The following DENND2B variants were observed in gnomAD, a reference collection of about 807,000 sequenced individuals.
DENND2B encodes DENN domain-containing protein 2B.
Under a neutral mutation model 116.0 loss-of-function variants are expected in DENND2B, and 32 were observed. That is an observed-to-expected ratio of 0.28 (90% confidence interval 0.21 to 0.37). DENND2B has a LOEUF of 0.37. DENND2B is among the 10% of genes least tolerant of loss of function. The pLI, the probability that DENND2B is intolerant of heterozygous loss-of-function variation, is 1.00. For synonymous variants in DENND2B, 588 were observed against 583.9 expected (o/e 1.01, Z -0.10); for missense variants, 1,276 against 1,477.7 (o/e 0.86, Z 2.24).
chr11:8,714,802 A>T (rs1016620580), intron 6 of DENND2B, 96 bp from the exon 7 acceptor site: 1 of 1,066,500 alleles, frequency 9.4e-7, no homozygotes, highest in Admixed American at 1.9e-5. Context: ...CCTTAATGGT[A>T]CAAGCTTTCT....
At chr11:8,811,220 C>A (rs963881835), upstream of DENND2B, 1 of 398,480 alleles carries the variant, frequency 2.5e-6, no homozygotes, top group Non-Finnish European at 4.4e-6. Flanking sequence ...ATCCCAGGAG[C>A]TCGCCTGGAC....
In DENND2B at chr11:8,726,385, G is replaced by T. The variant is rs1233025394; in HGVS notation, c.1341-176C>A. The stretch of plus-strand genomic sequence containing the variant: ...AATGAAGAGACAGATGGTCTGAAAG[G>T]CCCCAGCCTGGGTGCCTGCAATGTG... On this transcript the variant is annotated intron_variant, in intron 3 of 19. Coordinates refer to ENST00000313726, the MANE Select transcript of DENND2B (RefSeq NM_213618.2). 8 of 772,986 alleles carry T rather than the reference G, an allele frequency of 1.0e-5. No homozygotes were observed. In the South Asian group the frequency reaches 1.4e-4, roughly 14 times the overall value. The allele number at this position is 772,986 out of a possible 1,614,324, so 47.9% of individuals were successfully genotyped here.
chr11:8,864,356 C>G (rs573848456), intron 2 of DENND2B, among the ~76,000 whole-genome samples: 2 of 152,306 alleles, frequency 1.3e-5, no homozygotes, highest in Non-Finnish European at 2.9e-5. Flanking sequence ...CAGCCTTGAC[C>G]TCCCAGGATC....
At chr11:8,786,676 G>T (rs1486808851) in intron 1 of DENND2B, among the ~76,000 whole-genome samples, 1 of 152,160 alleles carries the variant, frequency 6.6e-6, no homozygotes, top group East Asian at 1.9e-4. Flanking sequence ...TGGGCATGGT[G>T]GTGCACCTCT....
intron 14 of DENND2B, 151 bp from the exon 15 acceptor site, chr11:8,699,541 G>A (rs2041109598): frequency 1.1e-5 from 8 of 728,634 alleles, no homozygotes; most frequent in South Asian, 5.9e-5. Context: ...TAAAGTCCCC[G>A]CTTTCCCACT....
intron 1 of DENND2B, among the ~76,000 whole-genome samples, chr11:8,899,657 T>G (rs904281504): frequency 3.3e-5 from 5 of 152,186 alleles, no homozygotes; most frequent in Non-Finnish European, 7.4e-5. Context: ...AAACAAAGAC[T>G]GAAAAAATTT....
At chr11:8,868,987 C>G (rs1204020318) in intron 2 of DENND2B, among the ~76,000 whole-genome samples, 1 of 152,132 alleles carries the variant, frequency 6.6e-6, no homozygotes, top group African/African-American at 2.4e-5. Flanking sequence ...ATTTTTTATG[C>G]GATTTATTTT....
chr11:8,862,421 G>C (rs2653614), intron 2 of DENND2B, among the ~76,000 whole-genome samples: 15 of 149,670 alleles, frequency 1.0e-4, no homozygotes, highest in African/African-American at 3.7e-4. Context: ...TCTCAACCTC[G>C]GGTGATCACC....
At chr11:8,813,004 GAACTCCTGAGCTCAA>G (rs1566005767), upstream of DENND2B, among the ~76,000 whole-genome samples, 1 of 138,334 alleles carries the variant, frequency 7.2e-6, no homozygotes, top group Non-Finnish European at 1.7e-5. Context: ...GGCTGGTCTT[GAACTCCTGAGCTCAA>G]GCAATCCTCC....
intron 2 of DENND2B, among the ~76,000 whole-genome samples, chr11:8,861,343 A>AT (rs1275609514): frequency 6.6e-6 from 1 of 152,014 alleles, no homozygotes; most frequent in Non-Finnish European, 1.5e-5. Context: ...CAAGAAAAAA[A>AT]CACTCCCATC....
intron 2 of DENND2B, among the ~76,000 whole-genome samples, chr11:8,745,936 CA>C (rs1266699100): frequency 2.0e-5 from 3 of 152,252 alleles, no homozygotes; most frequent in Non-Finnish European, 2.9e-5. Context: ...GGAACAGACA[CA>C]AGCTTTCCTT....
At position 8,730,238 on chromosome 11, in the gene DENND2B, G is replaced by T; in HGVS notation, c.1052C>A (p.Pro351His). Residue 351 changes from proline to histidine, a missense_variant, in exon 3 of 20, where the codon CCC becomes CAC. Around this residue, in one of 2 missense-constraint regions of DENND2B, gnomAD observed 856 missense variants for 846.6 expected, o/e 1.01. Transcript: ENST00000313726. This position sits in a 1 kb window ranked among gnomAD's most constrained non-coding sequence, Gnocchi z 4.1. ...GGAACCACTGCCTTCCCTCTCTGGG[G>T]GTGGGCCCGCCTCCCCCGCAACACC... ...VAGVAGEAGP[P>H]PEREGSGSTK... 1 of 1,612,492 alleles carries T rather than the reference G, an allele frequency of 6.2e-7. No individual in the cohort carries two copies. The highest frequency in any genetic ancestry group is 1.1e-5 in the South Asian group (1 of 90,988).
chr11:8,869,234 T>A (rs1051815099), intron 2 of DENND2B, among the ~76,000 whole-genome samples: 1 of 152,200 alleles, frequency 6.6e-6, no homozygotes, highest in Non-Finnish European at 1.5e-5. Context: ...AAAAAATACT[T>A]TTAAGGTAAG....
chr11:8,824,587 A>G (rs968968694), intron 4 of DENND2B, among the ~76,000 whole-genome samples: 1 of 151,870 alleles, frequency 6.6e-6, no homozygotes, highest in African/African-American at 2.4e-5. Context: ...ATTTTCTTTA[A>G]CCAGTCTACT....
At position 8,699,338 on chromosome 11, in the gene DENND2B, A is replaced by C; in HGVS notation, c.2773T>G (p.Trp925Gly). Residue 925 changes from tryptophan (W) to glycine (G), a missense_variant, in exon 15 of 20, where the codon TGG (tryptophan) becomes GGG (glycine). Around this residue, in one of 2 missense-constraint regions of DENND2B, gnomAD observed 420 missense variants for 631.1 expected, o/e 0.67. Coordinates refer to ENST00000313726, the MANE Select transcript of DENND2B (RefSeq NM_213618.2). Reference protein sequence around the residue: ...AVVALLYPFSWQHTFIPVLPA... With the variant: ...AVVALLYPFSGQHTFIPVLPA... ...AGGACAGGAATGAAGGTGTGCTGCC[A>C]GGAGAAGGGGTAGAGCAAGGCCACC... 6.2e-7 allele frequency: 1 copy of C among 1,608,778 alleles called. No homozygotes were observed. Among genetic ancestry groups the C allele is most frequent in the Non-Finnish European group, 8.5e-7 (1 of 1,178,776 alleles).
Position 8,702,849 on chromosome 11 carries a change from C to T in DENND2B, c.2572-129G>A, listed in dbSNP as rs552367256. The stretch of plus-strand genomic sequence containing the variant: ...TTTTCCAGGTCTCTCGTCTACCCTG[C>T]TATGCAGTAAACCCCTCTTCTCCAT... On this transcript the variant is annotated intron_variant, in intron 13 of 19. Transcript: ENST00000313726. The surrounding 1 kb of genome is among the most constrained non-coding windows in gnomAD (Gnocchi z 4.6). 7.9e-5 allele frequency: 92 copies of T among 1,164,180 alleles called. No individual in the cohort carries two copies. In the African/African-American group the frequency reaches 1.3e-3, roughly 16 times the overall value. 72.1% of individuals were successfully genotyped at this position (1,164,180 alleles called of 1,614,324 possible).
chr11:8,826,803 C>G (rs971190620), intron 4 of DENND2B, among the ~76,000 whole-genome samples: 1 of 152,132 alleles, frequency 6.6e-6, no homozygotes, highest in Non-Finnish European at 1.5e-5. Context: ...TATGTTTCTG[C>G]GGAAGAGAGC....
At chr11:8,897,759 G>A (rs1471946991) in intron 1 of DENND2B, among the ~76,000 whole-genome samples, 2 of 152,108 alleles carry the variant, frequency 1.3e-5, no homozygotes, top group Non-Finnish European at 1.5e-5. Context: ...AAATAAAATT[G>A]GGGCAGACTT....
chr11:8,816,641 C>G (rs1357063972), intron 4 of DENND2B, among the ~76,000 whole-genome samples: 1 of 152,040 alleles, frequency 6.6e-6, no homozygotes, highest in African/African-American at 2.4e-5. Context: ...ATAGAAGAGC[C>G]CTTAAGGGCT....
Sources: allele counts gnomAD v4.1 joint callset (sites outside exome capture counted in the v4.1 genomes callset), GRCh38; gene constraint gnomAD v4.1.1; regional missense constraint gnomAD v4.1.1; non-coding constraint Gnocchi (gnomAD v3.1); transcripts MANE v1.5; gene names NCBI Gene and HGNC (gene_info 2026-07-23, HGNC 2026-07-21).